KCNIP4: variants seen among roughly 807,000 people sequenced by gnomAD.
KCNIP4 encodes Kv channel-interacting protein 4.
In KCNIP4, 12 loss-of-function variants were observed where a neutral mutation model predicts 34.0. The ratio of observed to expected loss-of-function variants is 0.35; its 90% CI spans 0.23 to 0.57. KCNIP4 has a LOEUF of 0.57. Ranked by LOEUF, KCNIP4 falls within the 20% of genes least tolerant of loss-of-function variation. The pLI is 0.83. For synonymous variants in KCNIP4, 124 were observed against 102.2 expected (o/e 1.21, Z -1.29); for missense variants, 238 against 311.7 (o/e 0.76, Z 1.78).
intron 1 of KCNIP4, among the ~76,000 whole-genome samples, chr4:21,211,810 G>T (rs973492388): frequency 3.3e-5 from 5 of 151,908 alleles, no homozygotes; most frequent in Non-Finnish European, 7.4e-5. Flanking sequence ...AGCCCAAAGA[G>T]GTTAAAAACT....
At chr4:21,054,357 G>A (rs1339994240) in intron 1 of KCNIP4, among the ~76,000 whole-genome samples, 2 of 151,528 alleles carry the variant, frequency 1.3e-5, no homozygotes, top group African/African-American at 4.8e-5. Flanking sequence ...CGTCTCTACC[G>A]AAAATACAAA....
At chr4:20,814,041 C>G (rs1716086244) in intron 3 of KCNIP4, among the ~76,000 whole-genome samples, 1 of 152,184 alleles carries the variant, frequency 6.6e-6, no homozygotes. Context: ...CAGAAAACCT[C>G]AAGACTTCTT....
intron 1 of KCNIP4, among the ~76,000 whole-genome samples, chr4:21,922,554 T>A (rs1728995119): frequency 6.6e-6 from 1 of 152,194 alleles, no homozygotes; most frequent in South Asian, 2.1e-4. Flanking sequence ...TCTTTATTCA[T>A]TCAATCAAGA....
At chr4:20,807,486 T>G (rs1224017461) in intron 3 of KCNIP4, among the ~76,000 whole-genome samples, 1 of 151,296 alleles carries the variant, frequency 6.6e-6, no homozygotes, top group African/African-American at 2.4e-5. Flanking sequence ...TTTTTACAAT[T>G]TTAATTGTTA....
At chr4:21,527,239 A>C (rs968782668) in intron 1 of KCNIP4, among the ~76,000 whole-genome samples, 3 of 152,158 alleles carry the variant, frequency 2.0e-5, no homozygotes, top group Non-Finnish European at 4.4e-5. Flanking sequence ...ATAAATACAA[A>C]ACTGAATAGG....
At chr4:20,894,404 C>T (rs189645883) in intron 1 of KCNIP4, among the ~76,000 whole-genome samples, 1 of 152,270 alleles carries the variant, frequency 6.6e-6, no homozygotes, top group Non-Finnish European at 1.5e-5. Flanking sequence ...CCCACAGTAA[C>T]TAGTATATAT....
chr4:21,845,026 CA>C (rs1723927912), intron 1 of KCNIP4: 1 of 151,206 alleles, frequency 6.6e-6, no homozygotes, highest in Admixed American at 6.6e-5. Flanking sequence ...GGTTTTAATT[CA>C]GGAAACAATA....
At chr4:21,434,961 T>C (rs1482293850) in intron 1 of KCNIP4, among the ~76,000 whole-genome samples, 1 of 152,102 alleles carries the variant, frequency 6.6e-6, no homozygotes, top group East Asian at 1.9e-4. Context: ...AATAACTTCA[T>C]AGAGTTGTTG....
chr4:21,133,377 T>C (rs1371498985), intron 1 of KCNIP4, among the ~76,000 whole-genome samples: 2 of 152,244 alleles, frequency 1.3e-5, no homozygotes, highest in Non-Finnish European at 2.9e-5. Flanking sequence ...GGGCAGATTA[T>C]TGAGGCAACC....
chr4:20,779,011 G>A (rs1756616037), intron 3 of KCNIP4, among the ~76,000 whole-genome samples: 1 of 152,068 alleles, frequency 6.6e-6, no homozygotes, highest in South Asian at 2.1e-4. Flanking sequence ...GAGGAGGAAG[G>A]GAGGGAGGCA....
At chr4:21,340,589 G>A (rs1266081698) in intron 1 of KCNIP4, among the ~76,000 whole-genome samples, 1 of 151,822 alleles carries the variant, frequency 6.6e-6, no homozygotes, top group African/African-American at 2.4e-5. Flanking sequence ...CATCTTCTAA[G>A]GGCATCTAAA....
rs371247233 is a variant in KCNIP4 at position 21,245,562 on chromosome 4, C to T, written c.62-362853G>A. 1.5e-4 allele frequency among the ~76,000 whole-genome samples: 23 copies of T among 152,138 alleles called. No individual in the cohort carries two copies. In the South Asian group the frequency reaches 2.3e-3, roughly 15 times the overall value. Reference sequence around the variant, plus strand: ...TAAATACTTGTTGAATAAACAAACACGTAAAAATCCCTGTAGGTCATGGGT... The same window carrying T: ...TAAATACTTGTTGAATAAACAAACATGTAAAAATCCCTGTAGGTCATGGGT... On this transcript the variant is annotated intron_variant, in intron 1 of 8. Coordinates refer to ENST00000382152, the MANE Select transcript of KCNIP4 (RefSeq NM_025221.6).
intron 1 of KCNIP4, among the ~76,000 whole-genome samples, chr4:21,312,502 C>A (rs1201906962): frequency 1.3e-5 from 2 of 152,208 alleles, no homozygotes; most frequent in African/African-American, 2.4e-5. Flanking sequence ...GGAACACATT[C>A]TCCCAGCTCT....
At chr4:21,574,888 C>T (rs1232705944) in intron 1 of KCNIP4, among the ~76,000 whole-genome samples, 1 of 152,162 alleles carries the variant, frequency 6.6e-6, no homozygotes, top group Middle Eastern at 3.2e-3. Flanking sequence ...TGAGAACTAT[C>T]TGTACTATTA....
At chr4:20,904,855 G>A (rs775812611) in intron 1 of KCNIP4, among the ~76,000 whole-genome samples, 1 of 152,120 alleles carries the variant, frequency 6.6e-6, no homozygotes, top group Non-Finnish European at 1.5e-5. Context: ...GTCATCTGAG[G>A]ATGTAGCAGT....
At chr4:21,679,215 C>T (rs185427830) in intron 1 of KCNIP4, among the ~76,000 whole-genome samples, 2 of 152,162 alleles carry the variant, frequency 1.3e-5, no homozygotes, top group African/African-American at 2.4e-5. Context: ...CACACTCTAA[C>T]CTCCACAGTC....
intron 5 of KCNIP4, 59 bp from the exon 6 acceptor site, chr4:20,734,794 A>G (rs1372406911): frequency 1.1e-6 from 1 of 951,146 alleles, no homozygotes; most frequent in Non-Finnish European, 1.5e-6. Flanking sequence ...AAAACAAAAA[A>G]AACAAATGAT....
chr4:20,916,266 C>A, intron 1 of KCNIP4: 1 of 956,106 alleles, frequency 1.0e-6, no homozygotes, highest in Non-Finnish European at 1.2e-6. Flanking sequence ...TCTTCTCTGA[C>A]CTCCACCCAC....
intron 1 of KCNIP4, among the ~76,000 whole-genome samples, chr4:20,983,518 T>G (rs928418218): frequency 2.0e-5 from 3 of 152,120 alleles, no homozygotes; most frequent in Admixed American, 6.5e-5. Flanking sequence ...CCAACCCATA[T>G]TATCACCCCA....
Sources: allele counts gnomAD v4.1 joint callset (sites outside exome capture counted in the v4.1 genomes callset), GRCh38; gene constraint gnomAD v4.1.1; transcripts MANE v1.5; gene names NCBI Gene and HGNC (gene_info 2026-07-23, HGNC 2026-07-21).